RAD51B: variants seen among roughly 807,000 people sequenced by gnomAD.
The protein encoded by RAD51B is DNA repair protein RAD51 homolog 2.
In RAD51B, 38 loss-of-function variants were observed where a neutral mutation model predicts 42.2. The ratio of observed to expected loss-of-function variants is 0.90; its 90% CI spans 0.70 to 1.18. RAD51B has a LOEUF of 1.18. Ranked by LOEUF, RAD51B falls within the 50% of genes most tolerant of loss-of-function variation. The pLI is 0.00. For missense variants in RAD51B, 373 were observed against 400.7 expected, an observed-to-expected ratio of 0.93 and a Z score of 0.59; for synonymous variants, 154 against 145.2, an observed-to-expected ratio of 1.06 and a Z score of -0.43.
At chr14:68,329,705 G>A (rs1369914886) in intron 8 of RAD51B, among the ~76,000 whole-genome samples, 1 of 152,022 alleles carries the variant, frequency 6.6e-6, no homozygotes, top group Non-Finnish European at 1.5e-5. Context: ...TTTTGGGCCG[G>A]GCCCGGTGGC....
intron 7 of RAD51B, among the ~76,000 whole-genome samples, chr14:68,248,214 A>G (rs1235564637): frequency 6.6e-6 from 1 of 152,234 alleles, no homozygotes; most frequent in Non-Finnish European, 1.5e-5. Flanking sequence ...TCTCTTCTTC[A>G]GGACAGAAAC....
chr14:67,871,719 C>A (rs1216757068), intron 5 of RAD51B, among the ~76,000 whole-genome samples: 1 of 152,118 alleles, frequency 6.6e-6, no homozygotes, highest in Non-Finnish European at 1.5e-5. Flanking sequence ...TCCAGCAACA[C>A]ATCAAAAAGC....
intron 7 of RAD51B, among the ~76,000 whole-genome samples, chr14:68,140,947 G>T (rs2078115526): frequency 6.6e-6 from 1 of 152,154 alleles, no homozygotes; most frequent in Non-Finnish European, 1.5e-5. Flanking sequence ...CTCTGAACTG[G>T]GTATTGTCAA....
At chr14:68,036,394 G>A (rs2076123424) in intron 7 of RAD51B, among the ~76,000 whole-genome samples, 2 of 152,210 alleles carry the variant, frequency 1.3e-5, no homozygotes, top group South Asian at 4.1e-4. Flanking sequence ...TTTAGGGTAT[G>A]TGGAAAGTAT....
chr14:68,153,470 T>C (rs1333544097), intron 7 of RAD51B, among the ~76,000 whole-genome samples: 1 of 152,132 alleles, frequency 6.6e-6, no homozygotes, highest in Non-Finnish European at 1.5e-5. Context: ...GTATAAGTGT[T>C]TCCTGTTCTC....
chr14:68,276,111 A>G (rs1040026477), intron 7 of RAD51B, among the ~76,000 whole-genome samples: 22 of 152,180 alleles, frequency 1.4e-4, no homozygotes, highest in Non-Finnish European at 2.5e-4. Context: ...CTGTGCTGTT[A>G]TTATAGAAAG....
At chr14:67,930,675 C>G (rs1414767224) in intron 7 of RAD51B, among the ~76,000 whole-genome samples, 3 of 152,104 alleles carry the variant, frequency 2.0e-5, no homozygotes, top group Non-Finnish European at 4.4e-5. Context: ...ATGGAGAAGA[C>G]CTTTCGCATT....
At chr14:68,131,002 A>G (rs950327178) in intron 7 of RAD51B, among the ~76,000 whole-genome samples, 5 of 152,190 alleles carry the variant, frequency 3.3e-5, no homozygotes. Flanking sequence ...TTTTATACAA[A>G]TGTATTTAGC....
intron 10 of RAD51B, among the ~76,000 whole-genome samples, chr14:68,511,225 G>A (rs953346979): frequency 6.6e-6 from 1 of 152,196 alleles, no homozygotes; most frequent in Non-Finnish European, 1.5e-5. Flanking sequence ...GTGGACAGAG[G>A]AATGATCCGG....
chr14:68,561,978 G>A, intron 10 of RAD51B: 3 of 985,440 alleles, frequency 3.0e-6, no homozygotes, highest in Non-Finnish European at 3.6e-6. Context: ...ATGTACACGA[G>A]CTATTGTCTT....
chr14:68,050,945 T>A (rs1323814882), intron 7 of RAD51B, among the ~76,000 whole-genome samples: 2 of 151,898 alleles, frequency 1.3e-5, no homozygotes, highest in East Asian at 3.9e-4. Context: ...ACATTTTATA[T>A]CCAACTCCAG....
intron 8 of RAD51B, among the ~76,000 whole-genome samples, chr14:68,331,277 G>T (rs895865566): frequency 1.3e-5 from 2 of 149,304 alleles, no homozygotes; most frequent in African/African-American, 4.9e-5. Context: ...CAGGAGAATT[G>T]CTTGAACCAG....
intron 10 of RAD51B, among the ~76,000 whole-genome samples, chr14:68,493,673 G>A (rs1884265311): frequency 6.6e-6 from 1 of 152,198 alleles, no homozygotes; most frequent in African/African-American, 2.4e-5. Context: ...TATAGAAGCC[G>A]AGAGGCAGCC....
At chr14:68,615,359 T>TG (rs1891803982), downstream of RAD51B, among the ~76,000 whole-genome samples, 1 of 152,182 alleles carries the variant, frequency 6.6e-6, no homozygotes, top group Admixed American at 6.5e-5. Flanking sequence ...TTCTTTTTTT[T>TG]TTTTGAGACG....
intron 7 of RAD51B, among the ~76,000 whole-genome samples, chr14:67,998,439 C>T (rs977086874): frequency 6.6e-6 from 1 of 152,118 alleles, no homozygotes; most frequent in African/African-American, 2.4e-5. Flanking sequence ...GCTATGTTTT[C>T]TAGGATTTGA....
chr14:68,045,946 G>A (rs565536127), intron 7 of RAD51B, among the ~76,000 whole-genome samples: 5 of 151,686 alleles, frequency 3.3e-5, no homozygotes, highest in Admixed American at 6.6e-5. Context: ...GCATTCCTCA[G>A]TCTTTCTCTC....
intron 7 of RAD51B, among the ~76,000 whole-genome samples, chr14:68,085,882 G>C (rs2076975242): frequency 6.6e-6 from 1 of 152,194 alleles, no homozygotes; most frequent in Admixed American, 6.5e-5. Context: ...GGGGAGGCTA[G>C]ATGGGCAGGC....
chr14:68,205,939 A>AT (rs1350170496), intron 7 of RAD51B, among the ~76,000 whole-genome samples: 1 of 152,138 alleles, frequency 6.6e-6, no homozygotes, highest in Non-Finnish European at 1.5e-5. Context: ...TACCATTTAT[A>AT]TGCCAGTTTT....
chr14:68,634,981 C>T (rs1299409239), intron 10 of RAD51B, among the ~76,000 whole-genome samples: 1 of 152,210 alleles, frequency 6.6e-6, no homozygotes, highest in African/African-American at 2.4e-5. Context: ...GATGATCCCC[C>T]TTTGGATGCA....
Sources: gnomAD v4.1 joint callset for allele counts (sites outside exome capture counted in the v4.1 genomes callset) on GRCh38, gnomAD v4.1.1 for gene constraint, MANE v1.5 for transcripts, NCBI Gene and HGNC (gene_info 2026-07-23, HGNC 2026-07-21) for gene names.